The following CCDC102B variants were observed in gnomAD, a reference collection of about 807,000 sequenced individuals.
CCDC102B encodes the protein coiled-coil domain-containing protein 102B.
A neutral mutation model predicts 57.4 loss-of-function variants in CCDC102B; 75 were observed. That is an observed-to-expected ratio of 1.31 (90% CI 1.08 to 1.58). The LOEUF (loss-of-function observed/expected upper bound fraction) is 1.58. Among genes scored for constraint, CCDC102B ranks in the 40% most tolerant of loss-of-function variants. The probability of loss-of-function intolerance (pLI) is 0.00; values close to 1 mark genes in which losing one functional copy is unlikely to be tolerated. For synonymous variants in CCDC102B, 206 were observed against 201.9 expected (o/e 1.02, Z -0.17); for missense variants, 636 against 582.6 (o/e 1.09, Z -0.94).
chr18:68,776,501 C>T (rs977941367), intron 2 of CCDC102B, among the ~76,000 whole-genome samples: 1 of 152,146 alleles, frequency 6.6e-6, no homozygotes, highest in African/African-American at 2.4e-5. Context: ...AGAATGAGAT[C>T]ATGTCCTTTG....
At chr18:69,023,646 T>TA (rs1244864477) in intron 7 of CCDC102B, among the ~76,000 whole-genome samples, 1 of 151,884 alleles carries the variant, frequency 6.6e-6, no homozygotes, top group Non-Finnish European at 1.5e-5. Flanking sequence ...GTTTGAGACA[T>TA]AAGTAAGTAA....
chr18:69,034,768 C>T (rs188197819), intron 7 of CCDC102B, among the ~76,000 whole-genome samples: 121 of 150,718 alleles, frequency 8.0e-4, no homozygotes, highest in Non-Finnish European at 1.3e-3. Context: ...TATATATATA[C>T]ACACACACAC....
intron 5 of CCDC102B, among the ~76,000 whole-genome samples, chr18:68,884,143 A>T (rs533576096): frequency 8.5e-5 from 13 of 152,236 alleles, no homozygotes; most frequent in African/African-American, 3.1e-4. Context: ...CAATCATGTG[A>T]CCCAGCAATT....
chr18:68,902,321 C>T (rs555494982), intron 6 of CCDC102B: 2 of 152,206 alleles, frequency 1.3e-5, no homozygotes, highest in South Asian at 2.1e-4. Flanking sequence ...GATGATCAAG[C>T]TCATGTTCCT....
intron 6 of CCDC102B, among the ~76,000 whole-genome samples, chr18:68,935,345 T>C (rs1244206767): frequency 1.3e-5 from 2 of 151,938 alleles, no homozygotes; most frequent in Non-Finnish European, 2.9e-5. Context: ...GAGTCAAGAA[T>C]GACTCCGGGT....
intron 5 of CCDC102B, among the ~76,000 whole-genome samples, chr18:68,877,750 T>C (rs1177039066): frequency 1.3e-5 from 2 of 152,216 alleles, no homozygotes; most frequent in African/African-American, 4.8e-5. Flanking sequence ...TCCTATGAAC[T>C]GACACCTTCT....
At chr18:68,715,573 T>A (rs2031903319) in intron 1 of CCDC102B, 1 of 152,280 alleles carries the variant, frequency 6.6e-6, no homozygotes. Flanking sequence ...TAATGGGACA[T>A]CTCTTAAATG....
intron 6 of CCDC102B, among the ~76,000 whole-genome samples, chr18:68,995,149 C>T (rs2050988013): frequency 6.6e-6 from 1 of 152,134 alleles, no homozygotes; most frequent in Admixed American, 6.5e-5. Context: ...CCCTAAAGAT[C>T]TGTGGAACTT....
At chr18:68,869,100 G>T (rs1401085317) in intron 4 of CCDC102B, among the ~76,000 whole-genome samples, 1 of 152,152 alleles carries the variant, frequency 6.6e-6, no homozygotes. Context: ...GAAGAAAAAT[G>T]TAAGGGAAAA....
chr18:68,888,225 A>G (rs1221198891), intron 5 of CCDC102B, among the ~76,000 whole-genome samples: 1 of 152,208 alleles, frequency 6.6e-6, no homozygotes, highest in Non-Finnish European at 1.5e-5. Flanking sequence ...CAGAAAATAC[A>G]TAATGAATGA....
chr18:68,747,491 C>G (rs779910126), intron 2 of CCDC102B, among the ~76,000 whole-genome samples: 6 of 152,186 alleles, frequency 3.9e-5, no homozygotes, highest in East Asian at 1.9e-4. Context: ...CTAACCTAAA[C>G]TTTATACCCA....
intron 5 of CCDC102B, among the ~76,000 whole-genome samples, chr18:68,877,294 T>A (rs2039487634): frequency 6.6e-6 from 1 of 152,194 alleles, no homozygotes. Context: ...TATTAGCTTG[T>A]CTTAGGAATA....
At chr18:68,987,089 C>G (rs549287514) in intron 6 of CCDC102B, among the ~76,000 whole-genome samples, 27 of 152,110 alleles carry the variant, frequency 1.8e-4, no homozygotes, top group African/African-American at 5.1e-4. Flanking sequence ...TCATATGGAA[C>G]CAAAAAAGAG....
chr18:68,718,688 T>G (rs2032160425), intron 2 of CCDC102B, among the ~76,000 whole-genome samples: 1 of 152,222 alleles, frequency 6.6e-6, no homozygotes, highest in South Asian at 2.1e-4. Flanking sequence ...ACAGTGCTTC[T>G]CAAATTTTAA....
intron 2 of CCDC102B, among the ~76,000 whole-genome samples, chr18:68,765,378 A>AAAGAAAGAAAGAAAGG (rs1568239061): frequency 6.0e-5 from 8 of 132,612 alleles, no homozygotes; most frequent in South Asian, 2.3e-4. Context: ...AGAAAGAAAG[A>AAAGAAAGAAAGAAAGG]AAAGAAAGAA....
chr18:68,862,169 T>C (rs1466921649), intron 4 of CCDC102B, among the ~76,000 whole-genome samples: 1 of 152,212 alleles, frequency 6.6e-6, no homozygotes, highest in Non-Finnish European at 1.5e-5. Context: ...ATTTCTCAGA[T>C]CAATATTCTG....
chr18:68,875,950 T>C (rs1294304135), intron 5 of CCDC102B, among the ~76,000 whole-genome samples: 3 of 152,080 alleles, frequency 2.0e-5, no homozygotes, highest in South Asian at 2.1e-4. Context: ...TGAGATGGCA[T>C]GTTTCAAGAG....
chr18:69,020,545 A>G (rs1402982674), intron 7 of CCDC102B, among the ~76,000 whole-genome samples: 1 of 152,100 alleles, frequency 6.6e-6, no homozygotes, highest in Non-Finnish European at 1.5e-5. Context: ...GTGGGTGGGT[A>G]TTGTGCATGG....
At chr18:68,832,119 T>A (rs572833417) in intron 1 of CCDC102B, among the ~76,000 whole-genome samples, 1 of 151,176 alleles carries the variant, frequency 6.6e-6, no homozygotes, top group Admixed American at 6.6e-5. Flanking sequence ...AAAAAAAAAA[T>A]TCAACAAAGG....
Sources: allele counts gnomAD v4.1 joint callset (sites outside exome capture counted in the v4.1 genomes callset), GRCh38; gene constraint gnomAD v4.1.1; transcripts MANE v1.5; gene names NCBI Gene and HGNC (gene_info 2026-07-23, HGNC 2026-07-21).